The following MARK4 variants were observed in gnomAD, a reference collection of about 807,000 sequenced individuals.
The protein encoded by MARK4 is MAP/microtubule affinity-regulating kinase 4.
Under a neutral mutation model 81.5 loss-of-function variants are expected in MARK4, and 19 were observed. The ratio of observed to expected loss-of-function variants is 0.23; its 90% CI spans 0.16 to 0.34. The LOEUF (loss-of-function observed/expected upper bound fraction) is 0.34. Among genes scored for constraint, MARK4 ranks in the 10% least tolerant of loss-of-function variants. The probability of loss-of-function intolerance (pLI) is 1.00; values close to 1 mark genes in which losing one functional copy is unlikely to be tolerated. For synonymous variants in MARK4, 436 were observed against 439.0 expected (o/e 0.99, Z 0.08); for missense variants, 772 against 1,058.8 (o/e 0.73, Z 3.76).
chr19:45,258,718 A>G (rs1359885658), intron 1 of MARK4, among the ~76,000 whole-genome samples: 1 of 151,578 alleles, frequency 6.6e-6, no homozygotes, highest in Admixed American at 6.6e-5. Context: ...AAAAAAAGAC[A>G]AGGAGGTTGG....
intron 2 of MARK4, 68 bp from the exon 3 acceptor site, chr19:45,263,045 C>A: frequency 6.5e-7 from 1 of 1,540,848 alleles, no homozygotes; most frequent in Non-Finnish European, 8.8e-7. Flanking sequence ...GGATTACAGG[C>A]CTGAGCCACC....
intron 1 of MARK4, among the ~76,000 whole-genome samples, chr19:45,253,959 G>A (rs947587703): frequency 6.6e-6 from 1 of 152,128 alleles, no homozygotes; most frequent in Non-Finnish European, 1.5e-5. Context: ...CGTGCATGGT[G>A]CGGATTTGAG....
At chr19:45,289,385 CAAAAAA>C (rs35129419) in intron 13 of MARK4, among the ~76,000 whole-genome samples, 1 of 51,528 alleles carries the variant, frequency 1.9e-5, no homozygotes, top group Non-Finnish European at 3.5e-5. Flanking sequence ...GACTCTGTTT[CAAAAAA>C]AAAAAAAAAA....
At chr19:45,258,892 G>C in intron 1 of MARK4, 97 bp from the exon 2 acceptor site, 1 of 1,337,170 alleles carries the variant, frequency 7.5e-7, no homozygotes, top group Non-Finnish European at 1.0e-6. Context: ...AAAGGGCCAC[G>C]GAGGGGCCGG....
chr19:45,291,579 G>A (rs1016177979), intron 13 of MARK4, among the ~76,000 whole-genome samples: 11 of 152,096 alleles, frequency 7.2e-5, no homozygotes, highest in Non-Finnish European at 1.5e-4. Context: ...TCAGGAGATC[G>A]AGACCATCCT....
rs575070443 is a variant in MARK4, at chr19:45,271,065, C to T, written c.550-407C>T. On this transcript the variant is annotated intron_variant, in intron 7 of 16. Transcript: ENST00000262891. The surrounding 1 kb of genome is among the most constrained non-coding windows in gnomAD (Gnocchi z 4.1). ...GATTACAGGCGTGAGCCACGGTGCC[C>T]AGCCCAATTTTTGTATTTTTAGTAG... Among the ~76,000 whole-genome samples, 2 of 152,176 alleles carry T rather than the reference C, an allele frequency of 1.3e-5. No individual in the cohort carries two copies. Among genetic ancestry groups the T allele is most frequent in the Non-Finnish European group, 2.9e-5 (2 of 67,984 alleles).
rs138248379 is a variant in MARK4 at position 45,266,796 on chromosome 19, G to A, written c.549+515G>A. Among the ~76,000 whole-genome samples the A allele has an allele frequency of 6.4e-3, 938 of 147,254 alleles. 8 individuals are homozygous for A. Among genetic ancestry groups the A allele is most frequent in the African/African-American group, 0.022 (869 of 39,560 alleles). On this transcript the variant is annotated intron_variant, in intron 7 of 16. Transcript: ENST00000262891. ...CGCCCTGGCTGGAGTGAAGTGGCGCGATCTCCGCTCACTGCAAGCTCCGCC... is the reference window on the plus strand; with the variant it reads ...CGCCCTGGCTGGAGTGAAGTGGCGCAATCTCCGCTCACTGCAAGCTCCGCC...
At position 45,297,957 on chromosome 19, in the gene MARK4, G is replaced by A. The variant is rs1423450429; in HGVS notation, c.1877+3G>A. ...CTGACCTCCAAACTGACCCGAAGGT[G>A]AGCTCCGCGGGGATGGCAGGGGCAG... On this transcript the variant is annotated splice_donor_region_variant and intron_variant, in intron 15 of 16. Transcript: ENST00000262891. The A allele has an allele frequency of 6.4e-7, 1 of 1,550,442 alleles. No individual in the cohort carries two copies. Among genetic ancestry groups the A allele is most frequent in the Non-Finnish European group, 8.7e-7 (1 of 1,146,528 alleles).
intron 1 of MARK4, among the ~76,000 whole-genome samples, chr19:45,256,377 G>C (rs1970308184): frequency 6.6e-6 from 1 of 152,212 alleles, no homozygotes; most frequent in Non-Finnish European, 1.5e-5. Context: ...GGCAGAGGTT[G>C]CAGTGAGCCA....
intron 6 of MARK4, 80 bp from the exon 7 acceptor site, chr19:45,266,145 T>C (rs1323515210): frequency 1.6e-5 from 23 of 1,424,906 alleles, no homozygotes; most frequent in Non-Finnish European, 2.1e-5. Flanking sequence ...GGGGCCCAGC[T>C]GTGAGTGGTT....
chr19:45,263,741 CAAAAAAA>C (rs1294501274), intron 4 of MARK4, among the ~76,000 whole-genome samples: 2 of 78,564 alleles, frequency 2.5e-5, no homozygotes, highest in Non-Finnish European at 5.3e-5. Context: ...GACTTCATCT[CAAAAAAA>C]AAAAAAAAAG....
intron 2 of MARK4, among the ~76,000 whole-genome samples, chr19:45,261,168 C>T (rs1018923277): frequency 6.6e-6 from 1 of 152,178 alleles, no homozygotes; most frequent in Non-Finnish European, 1.5e-5. Context: ...ACATTTTATG[C>T]CAGTTCTTCC....
chr19:45,294,691 G>A (rs533431695), intron 14 of MARK4, among the ~76,000 whole-genome samples: 3 of 152,168 alleles, frequency 2.0e-5, no homozygotes, highest in Non-Finnish European at 4.4e-5. Flanking sequence ...ACAAGCCTTG[G>A]GAACCTGAAT....
intron 2 of MARK4, among the ~76,000 whole-genome samples, chr19:45,260,612 A>G (rs1450263185): frequency 6.6e-6 from 1 of 151,724 alleles, no homozygotes; most frequent in African/African-American, 2.4e-5. Context: ...CAGGAGAATC[A>G]CTGGAACCCA....
chr19:45,298,102 C>T (rs1970915326), intron 15 of MARK4, 148 bp downstream of exon 15: 2 of 1,548,850 alleles, frequency 1.3e-6, no homozygotes, highest in South Asian at 1.1e-5. Flanking sequence ...TCCTCCTTTC[C>T]TCCTCCCCTG....
At chr19:45,279,826 G>A (rs1970648437) in intron 10 of MARK4, among the ~76,000 whole-genome samples, 3 of 152,344 alleles carry the variant, frequency 2.0e-5, no homozygotes, top group South Asian at 4.1e-4. Context: ...CAGGAGGCAA[G>A]CAGATCTGGG....
chr19:45,282,312 T>A (rs925547755), intron 12 of MARK4, among the ~76,000 whole-genome samples: 54 of 151,452 alleles, frequency 3.6e-4, no homozygotes, highest in African/African-American at 1.2e-3. Context: ...ACCCACACAC[T>A]CATCAAATTT....
Position 45,297,727 on chromosome 19 carries a change from AC to A in MARK4, c.1655del (p.Pro552HisfsTer68). On this transcript the variant is annotated frameshift_variant, in exon 15 of 17. Coordinates refer to ENST00000262891, the MANE Select transcript of MARK4 (RefSeq NM_001199867.2). LOFTEE classifies it high-confidence loss of function. ...CCTCCCCCTCCAGTCACAGCCTGGC[AC>A]CCCCATCAGGGGAGCGGAGCCGCCT... ...PASPSSHSLAPPSGERSRLAR... is the reference protein window; with the variant it reads ...PASPSSHSLAXPSGERSRLAR... 1 of 1,560,296 alleles carries A rather than the reference AC, an allele frequency of 6.4e-7. No homozygotes were observed. Among genetic ancestry groups the A allele is most frequent in the Non-Finnish European group, 8.6e-7 (1 of 1,157,550 alleles).
At position 45,287,658 on chromosome 19, in the gene MARK4, C is replaced by G. The variant is rs760911941; in HGVS notation, c.1488C>G (p.Ser496Arg). Reference sequence around the variant, plus strand: ...CAGAGCGGCGGAAGGACAGCACGAGCACCCCCGTGAGTGACCAGGGCTGGG... The same window carrying G: ...CAGAGCGGCGGAAGGACAGCACGAGGACCCCCGTGAGTGACCAGGGCTGGG... ...EIPERRKDST[S>R]TPNNLPPSMM... The change falls in exon 13 of 17, where the codon AGC becomes AGG. Residue 496 changes from serine to arginine, a missense_variant. Ser to Arg is a moderately radical substitution (Grantham distance 110, BLOSUM62 -1). Around this residue, in one of 3 missense-constraint regions of MARK4, gnomAD observed 548 missense variants for 624.3 expected, o/e 0.88. Transcript: ENST00000262891. The G allele has an allele frequency of 2.5e-6, 4 of 1,599,502 alleles. No homozygotes were observed. The African/African-American group carries it at 4.0e-5, about 16-fold the overall frequency.
Sources: gnomAD v4.1 joint callset for allele counts (sites outside exome capture counted in the v4.1 genomes callset) on GRCh38, gnomAD v4.1.1 for gene constraint, gnomAD v4.1.1 regional missense constraint, Gnocchi (gnomAD v3.1) non-coding constraint, MANE v1.5 for transcripts, NCBI Gene and HGNC (gene_info 2026-07-23, HGNC 2026-07-21) for gene names.